Variants in RAVER2 observed in about 807,000 individuals in gnomAD.
RAVER2 encodes ribonucleoprotein PTB-binding 2.
RAVER2 carries 46 observed loss-of-function variants against 78.1 expected under a neutral mutation model. The ratio of observed to expected loss-of-function variants is 0.59; its 90% confidence interval spans 0.46 to 0.75. The LOEUF is 0.75. Among genes scored for constraint, RAVER2 ranks in the 30% least tolerant of loss-of-function variants. The pLI, the probability that RAVER2 is intolerant of heterozygous loss-of-function variation, is 0.00. For synonymous variants in RAVER2, 311 were observed against 313.3 expected, an observed-to-expected ratio of 0.99 and a Z score of 0.08; for missense variants, 793 against 837.5, an observed-to-expected ratio of 0.95 and a Z score of 0.66.
At chr1:64,830,942 C>A in exon 12 of RAVER2, 1 of 1,613,764 alleles carries the variant, frequency 6.2e-7, no homozygotes, top group Non-Finnish European at 8.5e-7. Context: ...GGCACAGGAG[C>A]ATATTACATG....
Position 64,768,641 on chromosome 1 carries a change from T to A in RAVER2, c.250-15T>A, listed in dbSNP as rs1406558909. ...ATTTGTATGTTTACTGAATTCGTGTTTTTTTCTCTTTCAGGAAGTTCATGA... is the reference window on the plus strand; with the variant it reads ...ATTTGTATGTTTACTGAATTCGTGTATTTTTCTCTTTCAGGAAGTTCATGA... On this transcript the variant is annotated splice_polypyrimidine_tract_variant and intron_variant, in intron 1 of 11. Transcript: ENST00000294428. 6.6e-7 allele frequency: 1 copy of A among 1,512,240 alleles called. No homozygotes were observed. Among genetic ancestry groups the A allele is most frequent in the Non-Finnish European group, 9.2e-7 (1 of 1,090,914 alleles). 93.7% of individuals were successfully genotyped at this position (1,512,240 alleles called of 1,614,324 possible). A position where few individuals can be genotyped will look rare whatever the true frequency, so the allele number is the denominator to read the frequency against.
intron 1 of RAVER2, among the ~76,000 whole-genome samples, chr1:64,761,571 A>G (rs886862647): frequency 1.3e-5 from 2 of 152,230 alleles, no homozygotes; most frequent in South Asian, 4.1e-4. Context: ...ATTTCTTCAG[A>G]CATAAAGATT....
At chr1:64,774,989 G>A (rs1463213598) in intron 2 of RAVER2, among the ~76,000 whole-genome samples, 1 of 152,116 alleles carries the variant, frequency 6.6e-6, no homozygotes, top group Non-Finnish European at 1.5e-5. Flanking sequence ...TCTGTTATTG[G>A]TGTATAGGAA....
intron 9 of RAVER2, among the ~76,000 whole-genome samples, chr1:64,811,982 T>C (rs1034347114): frequency 1.3e-5 from 2 of 152,208 alleles, no homozygotes; most frequent in African/African-American, 4.8e-5. Context: ...TTTGACATTA[T>C]TTTTAGTACC....
At chr1:64,793,075 C>T (rs1652988594) in intron 5 of RAVER2, among the ~76,000 whole-genome samples, 1 of 152,064 alleles carries the variant, frequency 6.6e-6, no homozygotes, top group Non-Finnish European at 1.5e-5. Context: ...TGGTGGCATG[C>T]ACTTGTAGTC....
At chr1:64,774,197 C>A (rs1652399364) in intron 2 of RAVER2, among the ~76,000 whole-genome samples, 1 of 152,148 alleles carries the variant, frequency 6.6e-6, no homozygotes, top group South Asian at 2.1e-4. Context: ...CCCCATTTGT[C>A]AATTTTGGCT....
At chr1:64,822,025 C>T (rs1001230169) in intron 11 of RAVER2, among the ~76,000 whole-genome samples, 2 of 152,206 alleles carry the variant, frequency 1.3e-5, no homozygotes, top group Non-Finnish European at 2.9e-5. Flanking sequence ...CGGTGGCTCA[C>T]GCCTGTAATC....
Position 64,745,475 on chromosome 1 carries a change from C to A in RAVER2, c.249+54C>A, listed in dbSNP as rs116551043. ...TCCCGAGGGGCGGCGGGGCGGCGCT[C>A]CGTGTCCAGGCTGGGATCGGGGGCG... On this transcript the variant is annotated intron_variant, in intron 1 of 11. Transcript: ENST00000294428. This position sits in a 1 kb window ranked among gnomAD's most constrained non-coding sequence, Gnocchi z 4.3. 2,674 of 1,469,142 alleles carry A rather than the reference C, an allele frequency of 1.8e-3. 53 individuals are homozygous for A. In the African/African-American group the frequency reaches 0.035, roughly 19 times the overall value. The allele number at this position is 1,469,142 out of a possible 1,614,324, so 91.0% of individuals were successfully genotyped here.
chr1:64,777,582 A>G (rs1652500400), intron 2 of RAVER2, 41 bp from the exon 3 acceptor site: 4 of 1,501,468 alleles, frequency 2.7e-6, no homozygotes, highest in Non-Finnish European at 3.6e-6. Context: ...TGTGTTTTCA[A>G]ACAATTTGAA....
intron 3 of RAVER2, 112 bp downstream of exon 3, chr1:64,778,204 A>T: frequency 1.2e-6 from 1 of 839,164 alleles, no homozygotes; most frequent in Non-Finnish European, 1.8e-6. Context: ...TGGAAATTTA[A>T]TTCTGCATCA....
intron 1 of RAVER2, among the ~76,000 whole-genome samples, chr1:64,747,758 A>C (rs1182532038): frequency 6.6e-6 from 1 of 152,038 alleles, no homozygotes; most frequent in Non-Finnish European, 1.5e-5. Context: ...AGGTGATCCC[A>C]CACGCCTCGG....
chr1:64,773,336 C>A (rs372310836), intron 2 of RAVER2, among the ~76,000 whole-genome samples: 2 of 151,974 alleles, frequency 1.3e-5, no homozygotes, highest in African/African-American at 2.4e-5. Context: ...ATCCCTCCCC[C>A]GCTACACCCC....
At chr1:64,788,286 C>T (rs901728798) in intron 4 of RAVER2, among the ~76,000 whole-genome samples, 1 of 151,600 alleles carries the variant, frequency 6.6e-6, no homozygotes, top group Non-Finnish European at 1.5e-5. Flanking sequence ...TCCTGGCTAA[C>T]ATGGTGAAAC....
At chr1:64,831,109 C>T (rs1654117060) in exon 12 of RAVER2, 2 of 1,028,246 alleles carry the variant, frequency 1.9e-6, no homozygotes, top group Non-Finnish European at 2.7e-6. Flanking sequence ...CCAGAAGGAA[C>T]TGTGTTGTGC....
At chr1:64,832,570 T>C (rs1366850923) in exon 12 of RAVER2, 2 of 152,228 alleles carry the variant, frequency 1.3e-5, no homozygotes, top group Admixed American at 6.5e-5. Flanking sequence ...TGGGGACTTG[T>C]TATTTTTAAC....
At chr1:64,797,158 A>G (rs913751565) in intron 5 of RAVER2, among the ~76,000 whole-genome samples, 7 of 152,202 alleles carry the variant, frequency 4.6e-5, no homozygotes, top group African/African-American at 1.4e-4. Context: ...GTCCATGGAC[A>G]CTTGAGAAGA....
intron 5 of RAVER2, among the ~76,000 whole-genome samples, chr1:64,801,408 A>G (rs1653259667): frequency 6.6e-6 from 1 of 151,806 alleles, no homozygotes; most frequent in African/African-American, 2.4e-5. Context: ...CTAATTTTGT[A>G]TATTATGATT....
exon 7 of RAVER2, chr1:64,804,758 A>G: frequency 6.6e-7 from 1 of 1,526,602 alleles, no homozygotes; most frequent in South Asian, 1.1e-5. Context: ...TAATACTTCT[A>G]ATTTATTCCT....
chr1:64,766,511 ACT>A (rs146146247), intron 1 of RAVER2, among the ~76,000 whole-genome samples: 3,442 of 152,158 alleles, frequency 0.023, 145 homozygotes, highest in African/African-American at 0.078. Context: ...CAGTTGGCAA[ACT>A]CTGTATCCCA....
Sources: allele counts gnomAD v4.1 joint callset (sites outside exome capture counted in the v4.1 genomes callset), GRCh38; gene constraint gnomAD v4.1.1; non-coding constraint Gnocchi (gnomAD v3.1); transcripts MANE v1.5; gene names NCBI Gene and HGNC (gene_info 2026-07-23, HGNC 2026-07-21).